PCSK4: variants seen among roughly 807,000 people sequenced by gnomAD.
PCSK4 encodes the protein proprotein convertase subtilisin/kexin type 4, also known as testicular tissue protein Li 135.
PCSK4 carries 64 observed loss-of-function variants against 80.3 expected under a neutral mutation model. The ratio of observed to expected loss-of-function variants is 0.80; its 90% CI spans 0.65 to 0.98. The LOEUF is 0.98. PCSK4 is among the 50% of genes least tolerant of loss of function. PCSK4 has a pLI of 0.00. For missense variants in PCSK4, 1,213 were observed against 1,093.6 expected, an observed-to-expected ratio of 1.11 and a Z score of -1.54; for synonymous variants, 561 against 487.6, an observed-to-expected ratio of 1.15 and a Z score of -1.98.
rs546226483 is a variant in PCSK4, at chr19:1,487,592, A to G, written c.682+11T>C. 1.9e-6 allele frequency: 3 copies of G among 1,546,794 alleles called. No individual in the cohort carries two copies. Among genetic ancestry groups the G allele is most frequent in the South Asian group, 2.4e-5 (2 of 84,034 alleles). On this transcript the variant is annotated intron_variant, in intron 6 of 14. Coordinates refer to ENST00000300954, the Ensembl canonical transcript of PCSK4. ...TGTCCCGGAATGGTGCCGCTGGGGG[A>G]CCCCGGGTACCTCCGATTCGGGCGT...
Position 1,487,193 on chromosome 19 carries a change from A to AC in PCSK4, c.802dup (p.Val268GlyfsTer264). Reference sequence around the variant, plus strand: ...GCGGGTGAGGATGCCGGGGCCGTCCACCGTGCGGCCGTCGTCCTCGGGACC... The same window carrying AC: ...GCGGGTGAGGATGCCGGGGCCGTCCACCCGTGCGGCCGTCGTCCTCGGGACC... On this transcript the variant is annotated frameshift_variant, in exon 7 of 15. Transcript: ENST00000300954. LOFTEE classifies it high-confidence loss of function. 1 of 1,608,116 alleles carries AC rather than the reference A, an allele frequency of 6.2e-7. No individual in the cohort carries two copies. Among genetic ancestry groups the AC allele is most frequent in the Middle Eastern group, 1.7e-4 (1 of 6,058 alleles).
At chr19:1,488,244 CCCG>C in exon 3 of PCSK4, 1 of 1,613,420 alleles carries the variant, frequency 6.2e-7, no homozygotes, top group South Asian at 1.1e-5. Context: ...GAGCGTTTCA[CCCG>C]CCGCTGCAGC....
intron 2 of PCSK4, 49 bp from the exon 3 acceptor site, chr19:1,488,329 C>T: frequency 6.8e-7 from 1 of 1,476,358 alleles, no homozygotes; most frequent in Non-Finnish European, 9.3e-7. Context: ...GCCCCTGGGG[C>T]CCCTCGTGGT....
chr19:1,484,077 C>G (rs374799007), exon 9 of PCSK4: 35 of 1,566,172 alleles, frequency 2.2e-5, no homozygotes, highest in African/African-American at 2.2e-4. Context: ...GGGCTGAGGC[C>G]GAGGTGCCCG....
At chr19:1,490,225 T>C (rs1289487052) in exon 1 of PCSK4, 1 of 1,612,994 alleles carries the variant, frequency 6.2e-7, no homozygotes, top group Non-Finnish European at 8.5e-7. Flanking sequence ...CTGGGACACC[T>C]GGACGGCCCA....
chr19:1,482,712 C>T, intron 13 of PCSK4, 184 bp downstream of exon 13: 1 of 765,070 alleles, frequency 1.3e-6, no homozygotes. Context: ...TTACCGCACA[C>T]CTACTGTGTG....
chr19:1,485,091 T>G (rs1168539771), intron 8 of PCSK4, among the ~76,000 whole-genome samples: 1 of 151,874 alleles, frequency 6.6e-6, no homozygotes, highest in Non-Finnish European at 1.5e-5. Flanking sequence ...GAGGTTGCAG[T>G]GAGCTAAGAT....
At chr19:1,488,188 C>T (rs76198985) in exon 3 of PCSK4, 10 of 1,613,532 alleles carry the variant, frequency 6.2e-6, no homozygotes, top group African/African-American at 1.3e-5. Flanking sequence ...GCCTGCTCAC[C>T]ATGTACCACT....
At chr19:1,486,654 G>C (rs1222160497) in intron 8 of PCSK4, among the ~76,000 whole-genome samples, 199 bp downstream of exon 8, 3 of 151,796 alleles carry the variant, frequency 2.0e-5, no homozygotes, top group Non-Finnish European at 4.4e-5. Flanking sequence ...GGATGGTCTT[G>C]ATCTCCTGAC....
chr19:1,488,218 C>T (rs754675272), exon 3 of PCSK4: 9 of 1,613,500 alleles, frequency 5.6e-6, no homozygotes, highest in South Asian at 3.3e-5. Flanking sequence ...ACCAGGGGTC[C>T]GTGGGCACCA....
chr19:1,482,984 C>A lies in PCSK4; in HGVS notation c.1608G>T (p.Trp536Cys), dbSNP rs537239542. 8 of 1,608,046 alleles carry A rather than the reference C, an allele frequency of 5.0e-6. No homozygotes were observed. In the South Asian group the frequency reaches 8.9e-5, roughly 18 times the overall value. ...CCCAGAAGTGGGTGGACATGAAGAC[C>A]CAGTTGTTGTAGCCTTCAGTGCTGA... Residue 536 changes from tryptophan to cysteine, a missense_variant, in exon 13 of 15, where the codon TGG (tryptophan) becomes TGT (cysteine). Coordinates refer to ENST00000300954, the Ensembl canonical transcript of PCSK4.
At chr19:1,485,600 T>C (rs1016639437) in intron 8 of PCSK4, among the ~76,000 whole-genome samples, 20 of 149,828 alleles carry the variant, frequency 1.3e-4, no homozygotes, top group African/African-American at 4.9e-4. Context: ...TGCTGGGCAC[T>C]GTGGCTCACA....
At chr19:1,484,504 A>G (rs1012806082) in intron 8 of PCSK4, among the ~76,000 whole-genome samples, 31 of 150,190 alleles carry the variant, frequency 2.1e-4, no homozygotes, top group Admixed American at 1.0e-3. Flanking sequence ...AAAAAAAAAA[A>G]GTACTAACGA....
intron 8 of PCSK4, among the ~76,000 whole-genome samples, chr19:1,486,486 C>T (rs1048982437): frequency 3.3e-5 from 5 of 151,044 alleles, no homozygotes; most frequent in Non-Finnish European, 5.9e-5. Flanking sequence ...TTAGTAGAGA[C>T]GGGGTTTCAC....
At chr19:1,485,626 C>T (rs996412116) in intron 8 of PCSK4, among the ~76,000 whole-genome samples, 2 of 151,850 alleles carry the variant, frequency 1.3e-5, no homozygotes, top group African/African-American at 4.8e-5. Context: ...AATCCCAGCA[C>T]TTTGGGAGGC....
intron 2 of PCSK4, among the ~76,000 whole-genome samples, chr19:1,488,511 C>T (rs947076296): frequency 6.6e-5 from 10 of 151,964 alleles, no homozygotes; most frequent in Admixed American, 1.3e-4. Flanking sequence ...TGCAGGTCCC[C>T]GGGTCCCCAC....
chr19:1,482,091 G>A (rs1252805984), exon 15 of PCSK4: 1 of 1,550,776 alleles, frequency 6.4e-7, no homozygotes. Context: ...CAGACCCTCA[G>A]CGCGGGCGCC....
At chr19:1,487,930 G>T (rs371350243) in intron 4 of PCSK4, 34 bp downstream of exon 4, 14 of 1,592,464 alleles carry the variant, frequency 8.8e-6, no homozygotes, top group Non-Finnish European at 1.1e-5. Context: ...CGGCACCTGG[G>T]GCAGCCCTCG....
At chr19:1,487,374 C>G in intron 6 of PCSK4, 61 bp from the exon 7 acceptor site, 1 of 1,361,632 alleles carries the variant, frequency 7.3e-7, no homozygotes, top group Non-Finnish European at 1.0e-6. Context: ...CACCCCAGCC[C>G]GCCCCGCGCC....
Sources: allele counts gnomAD v4.1 joint callset (sites outside exome capture counted in the v4.1 genomes callset), GRCh38; gene constraint gnomAD v4.1.1; transcripts MANE v1.5; gene names NCBI Gene and HGNC (gene_info 2026-07-23, HGNC 2026-07-21).